Variants in TBC1D12 observed in about 807,000 individuals in gnomAD.
TBC1D12 encodes the protein TBC1 domain family, member 12.
TBC1D12 carries 56 observed loss-of-function variants against 86.7 expected under a neutral mutation model. The observed-to-expected ratio is 0.65, with a 90% CI of 0.52 to 0.81. TBC1D12 has a LOEUF of 0.81. Among genes scored for constraint, TBC1D12 ranks in the 30% least tolerant of loss-of-function variants. The pLI is 0.00. For missense variants in TBC1D12, 1,023 were observed against 1,038.8 expected (o/e 0.98, Z 0.21); for synonymous variants, 421 against 411.7 (o/e 1.02, Z -0.27).
intron 6 of TBC1D12, among the ~76,000 whole-genome samples, chr10:94,500,781 C>T (rs934547382): frequency 2.0e-5 from 3 of 151,880 alleles, no homozygotes; most frequent in East Asian, 1.9e-4. Flanking sequence ...TTAGGCCGGG[C>T]GCAGTGGCTC....
At chr10:94,502,214 C>G (rs1408454674) in intron 6 of TBC1D12, among the ~76,000 whole-genome samples, 1 of 152,000 alleles carries the variant, frequency 6.6e-6, no homozygotes, top group East Asian at 1.9e-4. Context: ...TGTCTGTAAT[C>G]CCAGCTACTC....
At chr10:94,452,705 G>T (rs530696313) in intron 2 of TBC1D12, among the ~76,000 whole-genome samples, 2 of 152,228 alleles carry the variant, frequency 1.3e-5, no homozygotes, top group Admixed American at 6.5e-5. Flanking sequence ...CGTCTTAGTT[G>T]CTTCCAAGTT....
At position 94,524,696 on chromosome 10, in the gene TBC1D12, G is replaced by A. The variant is rs557489871; in HGVS notation, c.2000+2243G>A. ...GGAGGTTGCAGTGAGTCGAGATCGCGCCACAGCACTCTAGACAGAGCGAGA... is the reference window on the plus strand; with the variant it reads ...GGAGGTTGCAGTGAGTCGAGATCGCACCACAGCACTCTAGACAGAGCGAGA... On this transcript the variant is annotated intron_variant, in intron 11 of 12. Coordinates refer to ENST00000225235, the MANE Select transcript of TBC1D12 (RefSeq NM_015188.2). 6.9e-5 allele frequency among the ~76,000 whole-genome samples: 10 copies of A among 144,696 alleles called. No individual in the cohort carries two copies. The South Asian group carries it at 1.3e-3, about 19-fold the overall frequency. 94.9% of individuals were successfully genotyped at this position (144,696 alleles called of 152,430 possible).
chr10:94,501,233 G>T (rs916807515), intron 6 of TBC1D12, among the ~76,000 whole-genome samples: 2 of 152,084 alleles, frequency 1.3e-5, no homozygotes, highest in African/African-American at 4.8e-5. Flanking sequence ...TGGATTGCCT[G>T]AGCTCAGGAT....
chr10:94,525,053 G>A (rs538032711), intron 11 of TBC1D12, among the ~76,000 whole-genome samples: 1 of 152,148 alleles, frequency 6.6e-6, no homozygotes, highest in South Asian at 2.1e-4. Flanking sequence ...TTAATAAATG[G>A]CAGAATAGAA....
In TBC1D12 at chr10:94,533,854, C is replaced by T. The variant is rs1842489333; in HGVS notation, c.*758C>T. On this transcript the variant is annotated 3_prime_UTR_variant, in exon 13 of 13. Transcript: ENST00000225235. ...ATAAATAACTGGTAGAAGGAAAGTG[C>T]TTTGCACTTCAGTGGATTGAAGACT... 6.6e-6 allele frequency: 1 copy of T among 152,120 alleles called. No homozygotes were observed. Among genetic ancestry groups the T allele is most frequent in the Admixed American group, 6.5e-5 (1 of 15,272 alleles). The allele number at this position is 152,120 out of a possible 1,614,324, so 9.4% of individuals were successfully genotyped here.
chr10:94,429,946 G>A (rs1172748421), intron 1 of TBC1D12, among the ~76,000 whole-genome samples: 1 of 152,122 alleles, frequency 6.6e-6, no homozygotes, highest in Non-Finnish European at 1.5e-5. Flanking sequence ...ATGTTGCCCA[G>A]GCCGGTCTCG....
At chr10:94,423,400 T>G (rs1481650116) in intron 1 of TBC1D12, among the ~76,000 whole-genome samples, 3 of 138,130 alleles carry the variant, frequency 2.2e-5, no homozygotes, top group African/African-American at 7.9e-5. Context: ...CAGGCTGGAG[T>G]GCAGTGGCAC....
chr10:94,531,128 T>C (rs1166777645), intron 11 of TBC1D12, 74 bp from the exon 12 acceptor site: 2 of 1,502,290 alleles, frequency 1.3e-6, no homozygotes, highest in Non-Finnish European at 1.8e-6. Flanking sequence ...TGTTCTTTTT[T>C]TATAGAGATG....
chr10:94,451,356 G>A (rs770313438), intron 2 of TBC1D12, among the ~76,000 whole-genome samples: 7 of 151,902 alleles, frequency 4.6e-5, no homozygotes, highest in Non-Finnish European at 1.0e-4. Flanking sequence ...AAAAACAGTG[G>A]GTTTGAGGAC....
chr10:94,484,882 CT>C (rs1232730881), intron 3 of TBC1D12, among the ~76,000 whole-genome samples: 1 of 151,946 alleles, frequency 6.6e-6, no homozygotes, highest in Non-Finnish European at 1.5e-5. Context: ...AATGGGATTA[CT>C]TTTTTATTTT....
intron 2 of TBC1D12, among the ~76,000 whole-genome samples, chr10:94,470,122 T>C (rs1290956147): frequency 1.3e-5 from 2 of 152,084 alleles, no homozygotes; most frequent in Non-Finnish European, 2.9e-5. Context: ...TCAAATCACG[T>C]GGAGGAGGGG....
intron 9 of TBC1D12, among the ~76,000 whole-genome samples, chr10:94,519,035 A>G (rs1842074805): frequency 6.6e-6 from 1 of 152,242 alleles, no homozygotes; most frequent in Admixed American, 6.5e-5. Context: ...ATATCGTGCC[A>G]CTGCACTCCA....
chr10:94,460,925 T>G (rs191014138), intron 2 of TBC1D12, among the ~76,000 whole-genome samples: 2 of 152,328 alleles, frequency 1.3e-5, no homozygotes, highest in African/African-American at 4.8e-5. Context: ...TCTTTAGTAT[T>G]TCTTTTTGAT....
At chr10:94,406,372 G>T (rs2054854172) in intron 1 of TBC1D12, among the ~76,000 whole-genome samples, 1 of 152,168 alleles carries the variant, frequency 6.6e-6, no homozygotes, top group Admixed American at 6.5e-5. Flanking sequence ...CCTGATAGAG[G>T]TCTGAATGTC....
At chr10:94,509,021 C>T (rs1311610340) in intron 7 of TBC1D12, 2 of 151,780 alleles carry the variant, frequency 1.3e-5, no homozygotes, top group Admixed American at 6.6e-5. Flanking sequence ...TCAATTCAAC[C>T]ATTAATTGAT....
intron 1 of TBC1D12, among the ~76,000 whole-genome samples, chr10:94,407,671 G>A (rs1180724461): frequency 6.7e-5 from 8 of 119,360 alleles, no homozygotes; most frequent in Admixed American, 1.6e-4. Context: ...GACAGATTCC[G>A]TCTCAAAAAA....
At position 94,441,993 on chromosome 10, in the gene TBC1D12, C is replaced by A. The variant is rs1299222611; in HGVS notation, c.1069C>A (p.Gln357Lys). Reference sequence around the variant, plus strand: ...TAAAGTCCCTCCTAGAGAGAATCTTCAGAAAACATCCAAAATCATTCAGCA... The same window carrying A: ...TAAAGTCCCTCCTAGAGAGAATCTTAAGAAAACATCCAAAATCATTCAGCA... ...FGKVPPRENL[Q>K]KTSKIIQQEY... Residue 357 changes from glutamine (Q) to lysine (K), a missense_variant, in exon 2 of 13, where the codon CAG becomes AAG. Gln to Lys is a moderately conservative substitution (Grantham distance 53, BLOSUM62 1). Transcript: ENST00000225235. 7.4e-6 allele frequency: 12 copies of A among 1,612,482 alleles called. 1 individual carries two copies. Among genetic ancestry groups the A allele is most frequent in the Middle Eastern group, 1.7e-4 (1 of 6,052 alleles).
At chr10:94,418,566 A>C (rs2055030393) in intron 1 of TBC1D12, among the ~76,000 whole-genome samples, 1 of 151,032 alleles carries the variant, frequency 6.6e-6, no homozygotes, top group African/African-American at 2.4e-5. Flanking sequence ...TATTATTATT[A>C]TTATTATTAT....
Sources: gnomAD v4.1 joint callset for allele counts (sites outside exome capture counted in the v4.1 genomes callset) on GRCh38, gnomAD v4.1.1 for gene constraint, MANE v1.5 for transcripts, NCBI Gene and HGNC (gene_info 2026-07-23, HGNC 2026-07-21) for gene names.